MORC3: variants seen among roughly 807,000 people sequenced by gnomAD.
MORC3 encodes MORC family CW-type zinc finger protein 3.
Under a neutral mutation model 109.1 loss-of-function variants are expected in MORC3, and 31 were observed. The observed-to-expected ratio is 0.28, with a 90% CI of 0.21 to 0.38. MORC3 has a LOEUF of 0.38. MORC3 is among the 10% of genes least tolerant of loss of function. MORC3 has a pLI of 1.00. For synonymous variants in MORC3, 395 were observed against 380.7 expected (o/e 1.04, Z -0.44); for missense variants, 867 against 1,135.8 (o/e 0.76, Z 3.40).
chr21:36,349,806 G>A, intron 9 of MORC3, among the ~76,000 whole-genome samples: 1 of 152,310 alleles, frequency 6.6e-6, no homozygotes, highest in South Asian at 2.1e-4. Flanking sequence ...GGTTGACATA[G>A]GGTGTGTGGA....
At chr21:36,358,298 T>C (rs2050662658) in intron 10 of MORC3, among the ~76,000 whole-genome samples, 1 of 151,788 alleles carries the variant, frequency 6.6e-6, no homozygotes, top group Non-Finnish European at 1.5e-5. Flanking sequence ...GGCAGGAGAA[T>C]AGCTTGAACC....
chr21:36,345,457 T>C (rs2085497250), intron 8 of MORC3, among the ~76,000 whole-genome samples: 1 of 151,794 alleles, frequency 6.6e-6, no homozygotes, highest in East Asian at 1.9e-4. Context: ...AGCCTTGCTC[T>C]GTCGCCCAGG....
At position 36,331,001 on chromosome 21, in the gene MORC3, T is replaced by A. The variant is rs80206370; in HGVS notation, c.40-2645T>A. ...TATATACCAGTTTGAACAGTCTTCT[T>A]CAGGATACTGTTTCTCACTTGTGTG... On this transcript the variant is annotated intron_variant, in intron 1 of 16. Coordinates refer to ENST00000400485, the MANE Select transcript of MORC3 (RefSeq NM_015358.3). 3.3e-5 allele frequency among the ~76,000 whole-genome samples: 5 copies of A among 152,332 alleles called. No individual in the cohort carries two copies. In the East Asian group the frequency reaches 9.6e-4, roughly 29 times the overall value.
chr21:36,356,248 C>G (rs1382707345), intron 9 of MORC3, among the ~76,000 whole-genome samples: 1 of 152,126 alleles, frequency 6.6e-6, no homozygotes, highest in Non-Finnish European at 1.5e-5. Context: ...TAAATTTTAA[C>G]TTTTTAAATA....
chr21:36,339,557 G>T (rs572030700), intron 5 of MORC3: 2 of 151,088 alleles, frequency 1.3e-5, no homozygotes, highest in Non-Finnish European at 2.9e-5. Context: ...ACAAATTCAG[G>T]AGGATAAATC....
At chr21:36,320,458 C>G in intron 1 of MORC3, 155 bp downstream of exon 1, 7 of 653,102 alleles carry the variant, frequency 1.1e-5, no homozygotes, top group Non-Finnish European at 1.5e-5. Flanking sequence ...TCGCTCCCGT[C>G]GGCGGAACAG....
At chr21:36,342,185 A>C (rs1569095613) in intron 6 of MORC3, among the ~76,000 whole-genome samples, 1 of 152,200 alleles carries the variant, frequency 6.6e-6, no homozygotes, top group East Asian at 1.9e-4. Flanking sequence ...CGGAGGTTGC[A>C]GTGAGCGGAG....
intron 9 of MORC3, among the ~76,000 whole-genome samples, chr21:36,351,215 G>A (rs2085568574): frequency 6.6e-6 from 1 of 151,778 alleles, no homozygotes; most frequent in African/African-American, 2.4e-5. Context: ...CTACAGGCAT[G>A]CACCACCATG....
At chr21:36,322,440 C>T (rs576820883) in intron 1 of MORC3, among the ~76,000 whole-genome samples, 1 of 152,212 alleles carries the variant, frequency 6.6e-6, no homozygotes, top group African/African-American at 2.4e-5. Context: ...GGCACGATCT[C>T]GGCTCACTGC....
chr21:36,375,153 C>A lies in MORC3; in HGVS notation c.2677C>A (p.Arg893=). The part of the protein sequence containing the change: ...NHMDGESLKL[R]SLRVNVGQLL... ...TATTTGTATTTGCAGCCTCAAACTC[C>A]GATCTCTTCGAGTTAACGTAGGACA... Residue 893 remains arginine (R), a synonymous_variant, in exon 17 of 17, where the codon CGA becomes AGA. Transcript: ENST00000400485. The A allele has an allele frequency of 6.2e-7, 1 of 1,611,656 alleles. No homozygotes were observed. The highest frequency in any genetic ancestry group is 8.5e-7 in the Non-Finnish European group (1 of 1,179,206).
Position 36,364,199 on chromosome 21 carries a change from A to C in MORC3, c.1559A>C (p.Tyr520Ser), listed in dbSNP as rs2085752749. The C allele has an allele frequency of 6.2e-7, 1 of 1,614,178 alleles. No homozygotes were observed. The highest frequency in any genetic ancestry group is 8.5e-7 in the Non-Finnish European group (1 of 1,180,016). Reference protein sequence around the residue: ...RRHLSEGTNSYATRLLNNHQV... With the variant: ...RRHLSEGTNSSATRLLNNHQV... ...CATCTTTCAGAAGGAACAAATTCTTATGCGACAAGACTTCTAAATAATCAT... is the reference window on the plus strand; with the variant it reads ...CATCTTTCAGAAGGAACAAATTCTTCTGCGACAAGACTTCTAAATAATCAT... The change falls in exon 14 of 17, where the codon TAT becomes TCT. Residue 520 changes from tyrosine to serine, a missense_variant. Tyr to Ser is a moderately radical substitution (Grantham distance 144). Transcript: ENST00000400485.
At chr21:36,359,187 T>A (rs886985597) in intron 10 of MORC3, among the ~76,000 whole-genome samples, 8 of 152,182 alleles carry the variant, frequency 5.3e-5, no homozygotes, top group Admixed American at 5.2e-4. Context: ...AACATAAAGT[T>A]CAGGGCAAGG....
chr21:36,336,453 A>G (rs577803131), intron 2 of MORC3, among the ~76,000 whole-genome samples: 2 of 151,954 alleles, frequency 1.3e-5, no homozygotes, highest in East Asian at 3.9e-4. Context: ...CATGTTGGCC[A>G]GGCTGATCTC....
chr21:36,348,883 G>A (rs2085541705), intron 8 of MORC3, among the ~76,000 whole-genome samples: 1 of 152,084 alleles, frequency 6.6e-6, no homozygotes, highest in African/African-American at 2.4e-5. Context: ...GAATTGGCCG[G>A]ACGCGGTGGC....
rs766116087 is a variant in MORC3 at position 36,364,193 on chromosome 21, A to G, written c.1553A>G (p.Asn518Ser). 1.9e-6 allele frequency: 3 copies of G among 1,614,178 alleles called. No individual in the cohort carries two copies. The South Asian group carries it at 3.3e-5, about 18-fold the overall frequency. The change falls in exon 14 of 17, where the codon AAT (asparagine) becomes AGT (serine). Residue 518 changes from asparagine to serine, a missense_variant. Asn to Ser is a conservative substitution (Grantham distance 46, BLOSUM62 1). Around this residue, in one of 7 missense-constraint regions of MORC3, gnomAD observed 486 missense variants for 502.1 expected, o/e 0.97. Coordinates refer to ENST00000400485, the MANE Select transcript of MORC3 (RefSeq NM_015358.3). ...VPRRHLSEGT[N>S]SYATRLLNNH... ...AGAAGACATCTTTCAGAAGGAACAAATTCTTATGCGACAAGACTTCTAAAT... is the reference window on the plus strand; with the variant it reads ...AGAAGACATCTTTCAGAAGGAACAAGTTCTTATGCGACAAGACTTCTAAAT...
chr21:36,356,423 A>C (rs574215147), intron 9 of MORC3, among the ~76,000 whole-genome samples, 197 bp from the exon 10 acceptor site: 2 of 152,104 alleles, frequency 1.3e-5, no homozygotes, highest in African/African-American at 4.8e-5. Context: ...AAAATTTTCT[A>C]ATTTATTGAA....
At chr21:36,372,103 A>G (rs186985678) in intron 15 of MORC3, among the ~76,000 whole-genome samples, 146 of 151,690 alleles carry the variant, frequency 9.6e-4, no homozygotes, top group African/African-American at 3.2e-3. Flanking sequence ...GTGAGCCACC[A>G]TGCCCGGCTG....
chr21:36,370,036 A>T (rs1296685701), intron 15 of MORC3, among the ~76,000 whole-genome samples, 160 bp downstream of exon 15: 1 of 152,192 alleles, frequency 6.6e-6, no homozygotes, highest in East Asian at 1.9e-4. Context: ...GTTCGAGACC[A>T]GCCTGGACAA....
chr21:36,336,828 T>C, intron 2 of MORC3, 46 bp from the exon 3 acceptor site: 1 of 1,547,188 alleles, frequency 6.5e-7, no homozygotes, highest in African/African-American at 1.4e-5. Context: ...CTAATTGCTC[T>C]TTTTAAAGTG....
Sources: gnomAD v4.1 joint callset for allele counts (sites outside exome capture counted in the v4.1 genomes callset) on GRCh38, gnomAD v4.1.1 for gene constraint, gnomAD v4.1.1 regional missense constraint, MANE v1.5 for transcripts, NCBI Gene and HGNC (gene_info 2026-07-23, HGNC 2026-07-21) for gene names.